Variants in KDM4B observed in about 807,000 individuals in gnomAD.
KDM4B encodes lysine-specific demethylase 4B.
KDM4B carries 32 observed loss-of-function variants against 125.2 expected under a neutral mutation model. The observed-to-expected ratio is 0.26, with a 90% CI of 0.19 to 0.34. The LOEUF is 0.34. Ranked by LOEUF, KDM4B falls within the 10% of genes least tolerant of loss-of-function variation. KDM4B has a pLI of 1.00. For missense variants in KDM4B, 1,190 were observed against 1,577.7 expected (o/e 0.75, Z 4.16); for synonymous variants, 721 against 677.9 (o/e 1.06, Z -0.99).
chr19:5,057,065 T>TGTGTGTGTGTGC lies in KDM4B; in HGVS notation c.626+9397_626+9398insTGTGTGTGTGCG, dbSNP rs55806859. On this transcript the variant is annotated intron_variant, in intron 6 of 22. Transcript: ENST00000159111. ...GTGTGTGTGTGTGTGTGTGTGTGTGTGCGCGCGCGCGCGTATGTTAGCAAA... is the reference window on the plus strand; with the variant it reads ...GTGTGTGTGTGTGTGTGTGTGTGTGTGTGTGTGTGTGCGCGCGCGCGCGCGTATGTTAGCAAA... Among the ~76,000 whole-genome samples the TGTGTGTGTGTGC allele has an allele frequency of 4.7e-3, 601 of 128,348 alleles. 8 individuals are homozygous for TGTGTGTGTGTGC. Among genetic ancestry groups the TGTGTGTGTGTGC allele is most frequent in the African/African-American group, 0.016 (491 of 31,262 alleles). The allele number at this position is 128,348 out of a possible 152,430, so 84.2% of individuals were successfully genotyped here. A position where few individuals can be genotyped will look rare whatever the true frequency, so the allele number is the denominator to read the frequency against.
chr19:5,047,549 T>C lies in KDM4B; in HGVS notation c.506T>C (p.Ile169Thr). 6.2e-7 allele frequency: 1 copy of C among 1,613,844 alleles called. No individual in the cohort carries two copies. The highest frequency in any genetic ancestry group is 8.5e-7 in the Non-Finnish European group (1 of 1,179,886). ...GTGGAGCGCGAGTGCGGCACCATCA[T>C]CGAGGGCGTGAACACGCCCTACCTG... ...DMVERECGTI[I>T]EGVNTPYLYF... The change falls in exon 6 of 23, where the codon ATC becomes ACC. Residue 169 changes from isoleucine (I) to threonine (T), a missense_variant. By Grantham distance (89) the Ile-to-Thr change is moderately conservative. Transcript: ENST00000159111.
At chr19:5,100,767 C>T (rs992199346) in intron 9 of KDM4B, among the ~76,000 whole-genome samples, 2 of 152,194 alleles carry the variant, frequency 1.3e-5, no homozygotes, top group Non-Finnish European at 2.9e-5. Context: ...AGCTTCCTCA[C>T]TTAACCTGTC....
chr19:5,033,001 G>T lies in KDM4B; in HGVS notation c.111G>T (p.Ser37=), dbSNP rs200547114. Residue 37 remains serine, a synonymous_variant, in exon 3 of 23, where the codon TCG becomes TCT. Transcript: ENST00000159111. ...DFNKYVAYIE[S]QGAHRAGLAK... is the part of the protein sequence containing the mutation. ...ACAAATACGTGGCCTACATAGAGTC[G>T]CAGGGAGCCCACCGGGCGGGCCTGG... 9 of 1,613,864 alleles carry T rather than the reference G, an allele frequency of 5.6e-6. No individual in the cohort carries two copies. The highest frequency in any genetic ancestry group is 1.7e-4 in the Middle Eastern group (1 of 6,058).
chr19:5,151,490 C>T lies in KDM4B; in HGVS notation c.3270C>T (p.Gly1090=). 1 of 1,461,462 alleles carries T rather than the reference C, an allele frequency of 6.8e-7. No homozygotes were observed. Among genetic ancestry groups the T allele is most frequent in the East Asian group, 2.8e-5 (1 of 36,282 alleles). 90.5% of individuals were successfully genotyped at this position (1,461,462 alleles called of 1,614,324 possible). The change falls in exon 23 of 23, where the codon GGC becomes GGT. Residue 1090 remains glycine (G), a synonymous_variant. Coordinates refer to ENST00000159111, the MANE Select transcript of KDM4B (RefSeq NM_015015.3). ...TGGAGAGCCTCCTGCAGGTGCAGGG[C>T]CGGCCCGGAGCCCCCTTCTAGGACA... ...AFVESLLQVQ[G]RPGAPF
chr19:5,134,441 G>T (rs1342702048), intron 14 of KDM4B, among the ~76,000 whole-genome samples: 1 of 152,174 alleles, frequency 6.6e-6, no homozygotes, highest in Non-Finnish European at 1.5e-5. Context: ...GCAAACCCTG[G>T]CCTGTCTAGC....
Position 5,150,155 on chromosome 19 carries a change from C to T in KDM4B, c.3022-203C>T, listed in dbSNP as rs566374599. Among the ~76,000 whole-genome samples, 6 of 152,372 alleles carry T rather than the reference C, an allele frequency of 3.9e-5. No individual in the cohort carries two copies. In the South Asian group the frequency reaches 8.3e-4, roughly 21 times the overall value. On this transcript the variant is annotated intron_variant, in intron 21 of 22. Coordinates refer to ENST00000159111, the MANE Select transcript of KDM4B (RefSeq NM_015015.3). ...GTCCCGTCCTCCGTCATCCTTGCCC[C>T]GTGGTACGGGACCCTCAGCCTGATC...
intron 6 of KDM4B, among the ~76,000 whole-genome samples, chr19:5,048,305 C>T (rs1022904429): frequency 3.3e-5 from 5 of 152,198 alleles, no homozygotes; most frequent in African/African-American, 7.2e-5. Context: ...TGAATGTGCA[C>T]GTGTGCGCGC....
chr19:5,103,832 C>G (rs1321619839), intron 9 of KDM4B, among the ~76,000 whole-genome samples: 1 of 152,256 alleles, frequency 6.6e-6, no homozygotes, highest in Non-Finnish European at 1.5e-5. Flanking sequence ...TCGCTCCACA[C>G]CCTGTTCACT....
chr19:4,999,818 C>A (rs754135904), intron 1 of KDM4B, among the ~76,000 whole-genome samples: 1 of 137,846 alleles, frequency 7.3e-6, no homozygotes, highest in South Asian at 2.5e-4. Flanking sequence ...TCTATCCACC[C>A]GTCCACCCAC....
chr19:5,108,919 C>T (rs998716979), intron 9 of KDM4B, among the ~76,000 whole-genome samples: 1 of 152,308 alleles, frequency 6.6e-6, no homozygotes, highest in South Asian at 2.1e-4. Flanking sequence ...CTCTGCCCCC[C>T]ACGCCCCGAG....
chr19:5,003,369 T>G (rs965054738), intron 1 of KDM4B, among the ~76,000 whole-genome samples: 2 of 152,132 alleles, frequency 1.3e-5, no homozygotes, highest in South Asian at 2.1e-4. Context: ...TAATCCCAGC[T>G]TCTCGGGAGG....
intron 1 of KDM4B, among the ~76,000 whole-genome samples, chr19:5,014,982 G>A (rs1468621983): frequency 2.0e-5 from 3 of 150,008 alleles, no homozygotes; most frequent in Admixed American, 6.6e-5. Flanking sequence ...GTGACAGAGC[G>A]AGAGTCCGTC....
intron 1 of KDM4B, among the ~76,000 whole-genome samples, chr19:4,975,123 G>A (rs2034400528): frequency 6.6e-6 from 1 of 152,104 alleles, no homozygotes; most frequent in Non-Finnish European, 1.5e-5. Context: ...GTCTGTTTGT[G>A]TATCTGTTTG....
intron 1 of KDM4B, among the ~76,000 whole-genome samples, chr19:5,001,679 C>A (rs555184467): frequency 6.6e-6 from 1 of 150,412 alleles, no homozygotes; most frequent in African/African-American, 2.5e-5. Context: ...AAGTCCTGTT[C>A]CGCCAGCTGT....
At chr19:5,057,586 C>T (rs1371337718) in intron 6 of KDM4B, among the ~76,000 whole-genome samples, 1 of 152,338 alleles carries the variant, frequency 6.6e-6, no homozygotes, top group South Asian at 2.1e-4. Context: ...ATGTTCCGTT[C>T]CTCATGCAGC....
chr19:5,093,166 G>A (rs184630441), intron 9 of KDM4B, among the ~76,000 whole-genome samples: 1 of 152,214 alleles, frequency 6.6e-6, no homozygotes, highest in Non-Finnish European at 1.5e-5. Context: ...GCATGTGGAG[G>A]AGAAAGGCAG....
chr19:5,131,794 G>A, intron 12 of KDM4B, 93 bp from the exon 13 acceptor site: 1 of 1,534,138 alleles, frequency 6.5e-7, no homozygotes, highest in Non-Finnish European at 8.9e-7. Context: ...GGAGACTCAG[G>A]CCTCAGGCAC....
intron 6 of KDM4B, 156 bp from the exon 7 acceptor site, chr19:5,070,854 A>G (rs1298674277): frequency 1.3e-5 from 8 of 612,752 alleles, no homozygotes; most frequent in Non-Finnish European, 2.2e-5. Context: ...GAAAGCCCCC[A>G]CCCCCGGCCA....
chr19:5,149,371 C>T (rs566816730), intron 21 of KDM4B, among the ~76,000 whole-genome samples: 2 of 152,246 alleles, frequency 1.3e-5, no homozygotes, highest in Non-Finnish European at 2.9e-5. Flanking sequence ...TGATCTGTCA[C>T]CCAGCCTGGA....
Sources: gnomAD v4.1 joint callset for allele counts (sites outside exome capture counted in the v4.1 genomes callset) on GRCh38, gnomAD v4.1.1 for gene constraint, MANE v1.5 for transcripts, NCBI Gene and HGNC (gene_info 2026-07-23, HGNC 2026-07-21) for gene names.